Variants in ZDHHC5 observed in about 807,000 individuals in gnomAD.
ZDHHC5 encodes zDHHC palmitoyltransferase 5.
ZDHHC5 carries 22 observed loss-of-function variants against 70.0 expected under a neutral mutation model. The ratio of observed to expected loss-of-function variants is 0.31; its 90% CI spans 0.22 to 0.45. The LOEUF (loss-of-function observed/expected upper bound fraction) is 0.45. Ranked by LOEUF, ZDHHC5 falls within the 20% of genes least tolerant of loss-of-function variation. ZDHHC5 has a pLI of 1.00. For missense variants in ZDHHC5, 746 were observed against 926.9 expected, an observed-to-expected ratio of 0.80 and a Z score of 2.53; for synonymous variants, 313 against 347.8, an observed-to-expected ratio of 0.90 and a Z score of 1.11.
chr11:57,693,159 T>G (rs540304996), intron 7 of ZDHHC5, among the ~76,000 whole-genome samples: 2 of 152,214 alleles, frequency 1.3e-5, no homozygotes, highest in African/African-American at 4.8e-5. Context: ...ATACAAAAAT[T>G]AGCTGGGCAA....
At position 57,700,016 on chromosome 11, in the gene ZDHHC5, T is replaced by C; in HGVS notation, c.2133T>C (p.Tyr711=). 1.3e-6 allele frequency: 2 copies of C among 1,592,700 alleles called. No individual in the cohort carries two copies. Among genetic ancestry groups the C allele is most frequent in the Non-Finnish European group, 1.7e-6 (2 of 1,169,696 alleles). The change falls in exon 12 of 12, where the codon TAT becomes TAC. Residue 711 remains tyrosine, a synonymous_variant. Coordinates refer to ENST00000287169, the MANE Select transcript of ZDHHC5 (RefSeq NM_015457.3). ...TGTCAGGGGTTGGTGGTACCACCTA[T>C]GAGATTTCGGTGTGAGCCTTCGGCA... The part of the protein sequence containing the change: ...KKVSGVGGTT[Y]EISV
intron 3 of ZDHHC5, among the ~76,000 whole-genome samples, chr11:57,687,759 T>TTG (rs1946226275): frequency 2.7e-5 from 3 of 111,904 alleles, no homozygotes; most frequent in Non-Finnish European, 5.4e-5. Context: ...TGGGAAAGTT[T>TTG]TTTTTTTTTT....
At position 57,683,395 on chromosome 11, in the gene ZDHHC5, G is replaced by A. The variant is rs1326186729; in HGVS notation, c.226+852G>A. Among the ~76,000 whole-genome samples, 3 of 152,198 alleles carry A rather than the reference G, an allele frequency of 2.0e-5. No homozygotes were observed. In the East Asian group the frequency reaches 5.8e-4, roughly 29 times the overall value. On this transcript the variant is annotated intron_variant, in intron 3 of 11. Transcript: ENST00000287169. ...CAAGGCTGGATTTACAGATTTTTTA[G>A]TAGTAGACTCAATAATTTTTCATGA...
At chr11:57,697,656 A>C (rs1399104534) in intron 10 of ZDHHC5, among the ~76,000 whole-genome samples, 3 of 150,290 alleles carry the variant, frequency 2.0e-5, no homozygotes, top group Admixed American at 6.7e-5. Context: ...AAAAAAAAAA[A>C]AAAATTAGCT....
rs1053653121 is a variant in ZDHHC5 at position 57,672,124 on chromosome 11, C to T, written c.-967C>T. The T allele has an allele frequency of 1.5e-5, 6 of 396,878 alleles. No homozygotes were observed. Among genetic ancestry groups the T allele is most frequent in the Middle Eastern group, 1.3e-3 (2 of 1,586 alleles). 24.6% of individuals were successfully genotyped at this position (396,878 alleles called of 1,614,324 possible). A position where few individuals can be genotyped will look rare whatever the true frequency, so the allele number is the denominator to read the frequency against. ...GGAAACAGGGACATCTTTGGAACTT[C>T]GTTTTCATCCACAGTAAACTTTTGA... On this transcript the variant is annotated 5_prime_UTR_variant, in exon 2 of 12. Coordinates refer to ENST00000287169, the MANE Select transcript of ZDHHC5 (RefSeq NM_015457.3).
intron 7 of ZDHHC5, among the ~76,000 whole-genome samples, chr11:57,692,933 C>A (rs970503708): frequency 2.0e-5 from 3 of 151,976 alleles, no homozygotes; most frequent in Non-Finnish European, 4.4e-5. Flanking sequence ...CAGCAGGGAC[C>A]GGTTTCATGG....
At chr11:57,690,573 G>T in intron 6 of ZDHHC5, 136 bp downstream of exon 6, 1 of 955,612 alleles carries the variant, frequency 1.0e-6, no homozygotes, top group East Asian at 2.5e-5. Context: ...ATTAATGGTA[G>T]GGAGTGAGGT....
At chr11:57,671,167 A>G (rs1017906444) in intron 1 of ZDHHC5, among the ~76,000 whole-genome samples, 2 of 152,176 alleles carry the variant, frequency 1.3e-5, no homozygotes, top group African/African-American at 4.8e-5. Flanking sequence ...GTCCTCGGGC[A>G]TTCTGTAGCC....
chr11:57,676,752 C>T (rs1245938272), intron 2 of ZDHHC5, among the ~76,000 whole-genome samples: 2 of 151,748 alleles, frequency 1.3e-5, no homozygotes, highest in African/African-American at 4.8e-5. Context: ...TGTAGGATCT[C>T]CTGAGACCTA....
intron 8 of ZDHHC5, among the ~76,000 whole-genome samples, 200 bp from the exon 9 acceptor site, chr11:57,695,720 G>C (rs559416137): frequency 6.6e-6 from 1 of 151,402 alleles, no homozygotes; most frequent in East Asian, 2.0e-4. Context: ...TTGAGCCTAG[G>C]AGTTGCAGGC....
At chr11:57,668,743 TTCC>T (rs960980127) in intron 1 of ZDHHC5, 38 of 152,786 alleles carry the variant, frequency 2.5e-4, no homozygotes, top group African/African-American at 8.9e-4. Flanking sequence ...ACCCGTCCGC[TTCC>T]TCCTCCTACC....
At chr11:57,687,756 G>GTTTTTGTTTTTTT (rs1946225358) in intron 3 of ZDHHC5, among the ~76,000 whole-genome samples, 2 of 75,272 alleles carry the variant, frequency 2.7e-5, no homozygotes, top group African/African-American at 1.0e-4. Context: ...TTTTGGGAAA[G>GTTTTTGTTTTTTT]TTTTTTTTTT....
chr11:57,681,130 A>C (rs989091506), intron 2 of ZDHHC5, among the ~76,000 whole-genome samples: 1 of 152,206 alleles, frequency 6.6e-6, no homozygotes, highest in Non-Finnish European at 1.5e-5. Flanking sequence ...GCTTTGTGAC[A>C]GTTTTGTCTC....
rs370388574 is a variant in ZDHHC5, at chr11:57,699,054, A to G, written c.1618A>G (p.Ile540Val). ...PVRYDNLSRH[I>V]VASLQEREKL... ...CCGTTACGACAATCTGTCGCGCCACATTGTGGCCTCTCTCCAGGAACGAGA... is the reference window on the plus strand; with the variant it reads ...CCGTTACGACAATCTGTCGCGCCACGTTGTGGCCTCTCTCCAGGAACGAGA... The change falls in exon 11 of 12, where the codon ATT becomes GTT. Residue 540 changes from isoleucine (I) to valine (V), a missense_variant. Physicochemically the swap from Ile to Val is conservative, Grantham distance 29 (BLOSUM62 3). Coordinates refer to ENST00000287169, the MANE Select transcript of ZDHHC5 (RefSeq NM_015457.3). 11 of 1,612,792 alleles carry G rather than the reference A, an allele frequency of 6.8e-6. No individual in the cohort carries two copies. The highest frequency in any genetic ancestry group is 4.0e-5 in the African/African-American group (3 of 74,806).
rs1946026205 is a variant in ZDHHC5 at position 57,673,049 on chromosome 11, C to G, written c.-42C>G. 6.3e-7 allele frequency: 1 copy of G among 1,592,488 alleles called. No individual in the cohort carries two copies. The highest frequency in any genetic ancestry group is 1.7e-5 in the Admixed American group (1 of 59,944). ...TTGTCTGTTCTGCCGCTGTGTGGGC[C>G]TGGGCTATGCGGCAGGGCAGATTTC... On this transcript the variant is annotated 5_prime_UTR_variant, in exon 2 of 12. Transcript: ENST00000287169.
rs1487963982 is a variant in ZDHHC5 at position 57,690,162 on chromosome 11, C to G, written c.516C>G (p.Leu172=). 2.5e-6 allele frequency: 4 copies of G among 1,614,110 alleles called. No individual in the cohort carries two copies. Among genetic ancestry groups the G allele is most frequent in the Admixed American group, 1.7e-5 (1 of 60,010 alleles). ...GVFGFGLLYV[L]YHIEELSGVR... Reference sequence around the variant, plus strand: ...TTGGCTTTGGCCTCCTTTATGTCCTCTACCACATAGAGGAACTCTCAGGGG... The same window carrying G: ...TTGGCTTTGGCCTCCTTTATGTCCTGTACCACATAGAGGAACTCTCAGGGG... Residue 172 remains leucine, a synonymous_variant, in exon 5 of 12, where the codon CTC becomes CTG. Transcript: ENST00000287169.
intron 1 of ZDHHC5, among the ~76,000 whole-genome samples, chr11:57,669,484 C>T (rs968799359): frequency 1.3e-5 from 2 of 152,142 alleles, no homozygotes; most frequent in African/African-American, 2.4e-5. Flanking sequence ...GAGACGGAGT[C>T]TGGCTCTGTC....
intron 2 of ZDHHC5, among the ~76,000 whole-genome samples, chr11:57,680,585 C>A (rs1946137367): frequency 6.6e-6 from 1 of 152,202 alleles, no homozygotes; most frequent in African/African-American, 2.4e-5. Context: ...GATTTAATTT[C>A]TTTTTCCCTT....
rs771633111 is a variant in ZDHHC5 at position 57,699,888 on chromosome 11, A to C, written c.2005A>C (p.Thr669Pro). ...CAGAGATGAAGTACAGCTGAAGACC[A>C]CCTACAGCAAATCCAACGGGCAGCC... ...TPKDEVQLKT[T>P]YSKSNGQPKS... The change falls in exon 12 of 12, where the codon ACC (threonine) becomes CCC (proline). Residue 669 changes from threonine (T) to proline (P), a missense_variant. Transcript: ENST00000287169. The C allele has an allele frequency of 6.2e-7, 1 of 1,614,220 alleles. No homozygotes were observed. The highest frequency in any genetic ancestry group is 8.5e-7 in the Non-Finnish European group (1 of 1,180,044).
Sources: allele counts gnomAD v4.1 joint callset (sites outside exome capture counted in the v4.1 genomes callset), GRCh38; gene constraint gnomAD v4.1.1; transcripts MANE v1.5; gene names NCBI Gene and HGNC (gene_info 2026-07-23, HGNC 2026-07-21).